NUP210: variants seen among roughly 807,000 people sequenced by gnomAD.
NUP210 encodes the protein nucleoporin 210.
NUP210 carries 151 observed loss-of-function variants against 196.0 expected under a neutral mutation model. The ratio of observed to expected loss-of-function variants is 0.77; its 90% CI spans 0.67 to 0.88. NUP210 has a LOEUF of 0.88. Among genes scored for constraint, NUP210 ranks in the 40% least tolerant of loss-of-function variants. The probability of loss-of-function intolerance (pLI) is 0.00; values close to 1 mark genes in which losing one functional copy is unlikely to be tolerated. For missense variants in NUP210, 2,314 were observed against 2,493.7 expected, an observed-to-expected ratio of 0.93 and a Z score of 1.53; for synonymous variants, 1,070 against 1,052.7, an observed-to-expected ratio of 1.02 and a Z score of -0.32.
At position 13,376,336 on chromosome 3, in the gene NUP210, CCT is replaced by C. The variant is rs746417064; in HGVS notation, c.1246_1247del (p.Arg416GlyfsTer6). The C allele has an allele frequency of 1.9e-5, 30 of 1,614,102 alleles. No individual in the cohort carries two copies. The highest frequency in any genetic ancestry group is 2.4e-5 in the Non-Finnish European group (28 of 1,180,052). ...GGGCCGCGTCAATGGCCGTCTGTCC[CCT>C]CTTTAGTGCCCTGATGCGATGGTAT... ...GSYHRIRALK[R>X]GQTAIDAALT... On this transcript the variant is annotated frameshift_variant, in exon 10 of 40. Transcript: ENST00000254508. LOFTEE classifies it high-confidence loss of function.
chr3:13,344,890 A>G, intron 20 of NUP210: 1 of 978,116 alleles, frequency 1.0e-6, no homozygotes, highest in Non-Finnish European at 1.2e-6. Context: ...CTCCAGGCCC[A>G]GGTCCAGCGT....
Position 13,366,097 on chromosome 3 carries a change from G to T in NUP210, c.1787-6C>A. 1.2e-6 allele frequency: 2 copies of T among 1,612,784 alleles called. No homozygotes were observed. The highest frequency in any genetic ancestry group is 8.5e-7 in the Non-Finnish European group (1 of 1,179,388). On this transcript the variant is annotated splice_polypyrimidine_tract_variant and splice_region_variant and intron_variant, in intron 13 of 39. Transcript: ENST00000254508. ...AGAGCCTGGCGGCAGCCTCCCTACA[G>T]AAAGGAGAGAACTAGATGGTCACCC...
At chr3:13,337,441 C>T (rs1164613909) in intron 26 of NUP210, among the ~76,000 whole-genome samples, 1 of 152,260 alleles carries the variant, frequency 6.6e-6, no homozygotes, top group African/African-American at 2.4e-5. Flanking sequence ...CTGTGTGGCC[C>T]TGGGCACGGG....
At chr3:13,342,704 A>C (rs1363921567) in intron 21 of NUP210, among the ~76,000 whole-genome samples, 1 of 152,220 alleles carries the variant, frequency 6.6e-6, no homozygotes, top group Non-Finnish European at 1.5e-5. Context: ...CTGGAGTAAT[A>C]AAAATTCTGT....
chr3:13,332,003 A>G (rs1349430219), intron 29 of NUP210, among the ~76,000 whole-genome samples: 3 of 152,042 alleles, frequency 2.0e-5, no homozygotes, highest in Non-Finnish European at 4.4e-5. Flanking sequence ...GAAACACAAC[A>G]TTTCTAAGCT....
At chr3:13,336,090 C>T (rs530692639) in intron 27 of NUP210, among the ~76,000 whole-genome samples, 5 of 152,290 alleles carry the variant, frequency 3.3e-5, no homozygotes, top group Admixed American at 6.5e-5. Context: ...TGGGTGGGGT[C>T]GGGGGGCATT....
At position 13,351,863 on chromosome 3, in the gene NUP210, G is replaced by A. The variant is rs1253673883; in HGVS notation, c.2835+16C>T. 1.9e-6 allele frequency: 3 copies of A among 1,556,628 alleles called. No individual in the cohort carries two copies. Among genetic ancestry groups the A allele is most frequent in the South Asian group, 1.1e-5 (1 of 89,848 alleles). ...GGAATGAAAACCAACAGTGGGGACC[G>A]ATGGCCCAAGCTTACCATGGCGACA... On this transcript the variant is annotated intron_variant, in intron 20 of 39. Coordinates refer to ENST00000254508, the MANE Select transcript of NUP210 (RefSeq NM_024923.4).
Position 13,353,975 on chromosome 3 carries a change from G to C in NUP210, c.2461C>G (p.Pro821Ala), listed in dbSNP as rs2280085. 0.18 allele frequency: 290,130 copies of C among 1,608,974 alleles called. 26,771 individuals carry two copies. The highest frequency in any genetic ancestry group is 0.33 in the East Asian group (14,967 of 44,764). Residue 821 changes from proline to alanine, a missense_variant, in exon 17 of 40, where the codon CCT (proline) becomes GCT (alanine). Coordinates refer to ENST00000254508, the MANE Select transcript of NUP210 (RefSeq NM_024923.4). The stretch of plus-strand genomic sequence containing the variant: ...GACACCAGCTGCATGGGCAGCTCAG[G>C]CTCGATGCTGGCCAACACTGGCCTG... ...STRPVLASIE[P>A]ELPMQLVSQD... is the part of the protein sequence containing the mutation.
chr3:13,371,543 T>C (rs908830425), intron 13 of NUP210, among the ~76,000 whole-genome samples: 1 of 152,214 alleles, frequency 6.6e-6, no homozygotes, highest in Non-Finnish European at 1.5e-5. Context: ...ACCAACTGCA[T>C]TCCAGGGACT....
intron 17 of NUP210, 42 bp from the exon 18 acceptor site, chr3:13,353,702 A>G: frequency 6.5e-7 from 1 of 1,544,016 alleles, no homozygotes; most frequent in Non-Finnish European, 9.0e-7. Context: ...ATGTCTGCCC[A>G]TCACCACCCC....
In NUP210 at chr3:13,365,989, T is replaced by C. The variant is rs1698516235; in HGVS notation, c.1889A>G (p.His630Arg). Residue 630 changes from histidine to arginine, a missense_variant, in exon 14 of 40, where the codon CAC (histidine) becomes CGC (arginine). Coordinates refer to ENST00000254508, the MANE Select transcript of NUP210 (RefSeq NM_024923.4). ...AGCAATGGTGATCTTGGCACTCAGG[T>C]GGACGTGGCCGTGTCTGTAGCTCAC... ...LLVSYRHGHV[H>R]LSAKITIAAY... The C allele has an allele frequency of 6.2e-7, 1 of 1,614,190 alleles. No individual in the cohort carries two copies. Among genetic ancestry groups the C allele is most frequent in the Non-Finnish European group, 8.5e-7 (1 of 1,180,010 alleles).
intron 1 of NUP210, among the ~76,000 whole-genome samples, chr3:13,416,148 C>T (rs1175031918): frequency 6.6e-6 from 1 of 152,170 alleles, no homozygotes; most frequent in African/African-American, 2.4e-5. Flanking sequence ...CTGAGAAGTG[C>T]CCCAGACCAC....
chr3:13,336,346 C>T (rs983295613), intron 27 of NUP210, among the ~76,000 whole-genome samples: 1 of 152,224 alleles, frequency 6.6e-6, no homozygotes, highest in Non-Finnish European at 1.5e-5. Context: ...CTTCCCGTTT[C>T]TGGCCTCAGT....
intron 15 of NUP210, among the ~76,000 whole-genome samples, chr3:13,359,859 AT>A (rs1389313204): frequency 1.3e-5 from 2 of 152,220 alleles, no homozygotes; most frequent in Non-Finnish European, 2.9e-5. Context: ...ACAAAAAAAA[AT>A]ATTGTGATTT....
At position 13,336,879 on chromosome 3, in the gene NUP210, G is replaced by A. The variant is rs1482933974; in HGVS notation, c.3592C>T (p.Pro1198Ser). 1.9e-6 allele frequency: 3 copies of A among 1,613,840 alleles called. No individual in the cohort carries two copies. In the East Asian group the frequency reaches 6.7e-5, roughly 36 times the overall value. The change falls in exon 27 of 40, where the codon CCT (proline) becomes TCT (serine). Residue 1198 changes from proline to serine, a missense_variant. Transcript: ENST00000254508. ...GGCACGGCATTGCCAAAGGAGAAAG[G>A]GTTCTGGTGGTTGGTGATGCCGGTG... ...YVTGITNHQN[P>S]FSFGNAVPGL...
In NUP210 at chr3:13,317,516, A is replaced by G. The variant is rs1696315795; in HGVS notation, c.*165T>C. On this transcript the variant is annotated 3_prime_UTR_variant, in exon 40 of 40. Coordinates refer to ENST00000254508, the MANE Select transcript of NUP210 (RefSeq NM_024923.4). ...TCCTACATAAAATGAGCTAATGGGC[A>G]GAGCCGAAACTACAGCTCTGTGTGA... The G allele has an allele frequency of 1.6e-6, 1 of 614,622 alleles. No homozygotes were observed. The highest frequency in any genetic ancestry group is 2.9e-6 in the Non-Finnish European group (1 of 344,084). The allele number at this position is 614,622 out of a possible 1,614,324, so 38.1% of individuals were successfully genotyped here.
At chr3:13,338,043 C>A in intron 25 of NUP210, 126 bp from the exon 26 acceptor site, 1 of 810,658 alleles carries the variant, frequency 1.2e-6, no homozygotes. Context: ...CTCAGGATGA[C>A]CAGCACCATG....
rs3732673 is a variant in NUP210, at chr3:13,325,891, G to C, written c.4548C>G (p.Leu1516=). 1.4e-4 allele frequency: 230 copies of C among 1,614,116 alleles called. No individual in the cohort carries two copies. In the East Asian group the frequency reaches 4.7e-3, roughly 33 times the overall value. The change falls in exon 33 of 40, where the codon CTC becomes CTG. Residue 1516 remains leucine (L), a synonymous_variant. Transcript: ENST00000254508. Reference sequence around the variant, plus strand: ...CCACACCCGTCTTGGGGTCGATGTGGAGGATGCTGTTGGCCGAGGAGCTCC... The same window carrying C: ...CCACACCCGTCTTGGGGTCGATGTGCAGGATGCTGTTGGCCGAGGAGCTCC... ...GTWSSSANSI[L]HIDPKTGVAV...
rs371850283 is a variant in NUP210 at position 13,388,501 on chromosome 3, A to C, written c.534-48T>G. 3.1e-5 allele frequency: 48 copies of C among 1,551,328 alleles called. No homozygotes were observed. In the African/African-American group the frequency reaches 4.4e-4, roughly 14 times the overall value. On this transcript the variant is annotated intron_variant, in intron 4 of 39. Transcript: ENST00000254508. Reference sequence around the variant, plus strand: ...AAGTTTGTTGATCAAACCCCAACACAAGATTTGTCAGAATCTACCACAGCA... The same window carrying C: ...AAGTTTGTTGATCAAACCCCAACACCAGATTTGTCAGAATCTACCACAGCA...
Sources: allele counts gnomAD v4.1 joint callset (sites outside exome capture counted in the v4.1 genomes callset), GRCh38; gene constraint gnomAD v4.1.1; transcripts MANE v1.5; gene names NCBI Gene and HGNC (gene_info 2026-07-23, HGNC 2026-07-21).